The following GTF2E1 variants were observed in gnomAD, a reference collection of about 807,000 sequenced individuals.
GTF2E1 encodes the protein general transcription factor IIE subunit 1.
Under a neutral mutation model 34.9 loss-of-function variants are expected in GTF2E1, and 14 were observed. That is an observed-to-expected ratio of 0.40 (90% confidence interval 0.27 to 0.63). The LOEUF is 0.63. Among genes scored for constraint, GTF2E1 ranks in the 20% least tolerant of loss-of-function variants. The pLI is 0.39. For synonymous variants in GTF2E1, 188 were observed against 192.9 expected (o/e 0.97, Z 0.21); for missense variants, 469 against 557.7 (o/e 0.84, Z 1.60).
intron 3 of GTF2E1, among the ~76,000 whole-genome samples, chr3:120,775,765 A>T (rs1387533832): frequency 6.6e-6 from 1 of 152,234 alleles, no homozygotes; most frequent in East Asian, 1.9e-4. Flanking sequence ...TGCAGAGTAG[A>T]ATCAGTGGTT....
intron 2 of GTF2E1, among the ~76,000 whole-genome samples, chr3:120,760,351 A>C (rs1709249446): frequency 6.6e-6 from 1 of 152,220 alleles, no homozygotes; most frequent in Admixed American, 6.5e-5. Flanking sequence ...AGTTTTCTAA[A>C]TATACAATCA....
rs35806612 is a variant in GTF2E1 at position 120,744,927 on chromosome 3, C to CTT, written c.-31+2145_-31+2146dup. On this transcript the variant is annotated intron_variant, in intron 1 of 4. Coordinates refer to ENST00000283875, the MANE Select transcript of GTF2E1 (RefSeq NM_005513.3). ...TGTGTGAGCAGGGCACCATTAATCA[C>CTT]TTTTTTTTTTTTTGAGGGTCCTGTC... Among the ~76,000 whole-genome samples, 1,062 of 146,464 alleles carry CTT rather than the reference C, an allele frequency of 7.3e-3. 5 individuals are homozygous for CTT. The highest frequency in any genetic ancestry group is 0.012 in the Non-Finnish European group (790 of 66,196).
intron 2 of GTF2E1, among the ~76,000 whole-genome samples, chr3:120,759,222 C>G (rs1709236333): frequency 1.3e-5 from 2 of 152,168 alleles, no homozygotes; most frequent in Non-Finnish European, 2.9e-5. Context: ...CATATGTTGG[C>G]TGCATAAATG....
At chr3:120,780,022 G>T (rs972801397) in intron 4 of GTF2E1, among the ~76,000 whole-genome samples, 22 of 152,172 alleles carry the variant, frequency 1.4e-4, no homozygotes, top group Admixed American at 1.1e-3. Flanking sequence ...ATGATAGGAG[G>T]TGTGTGGTGA....
intron 4 of GTF2E1, among the ~76,000 whole-genome samples, chr3:120,778,749 T>C (rs1353742967): frequency 6.6e-6 from 1 of 152,204 alleles, no homozygotes; most frequent in Non-Finnish European, 1.5e-5. Context: ...TCTGGAAGCA[T>C]GTTAAGACCA....
intron 2 of GTF2E1, among the ~76,000 whole-genome samples, chr3:120,758,805 T>C (rs1431533407): frequency 3.3e-5 from 5 of 152,268 alleles, no homozygotes; most frequent in Admixed American, 3.3e-4. Context: ...CACATTTTCT[T>C]AATCCAGTCT....
chr3:120,759,817 T>G (rs1398902552), intron 2 of GTF2E1, among the ~76,000 whole-genome samples: 1 of 152,252 alleles, frequency 6.6e-6, no homozygotes, highest in Admixed American at 6.5e-5. Flanking sequence ...TTGGTAGCAG[T>G]AACGTGCTGT....
chr3:120,755,039 T>A (rs1347699575), intron 2 of GTF2E1, among the ~76,000 whole-genome samples: 1 of 152,146 alleles, frequency 6.6e-6, no homozygotes, highest in Non-Finnish European at 1.5e-5. Flanking sequence ...ATTTACCTTG[T>A]TTTGTTTGGC....
intron 4 of GTF2E1, among the ~76,000 whole-genome samples, chr3:120,777,975 C>T (rs892579816): frequency 5.3e-5 from 8 of 152,186 alleles, no homozygotes; most frequent in South Asian, 2.1e-4. Flanking sequence ...CTGCCTGCCT[C>T]GGCCTCCCAA....
chr3:120,756,373 A>G (rs571892355), intron 2 of GTF2E1, among the ~76,000 whole-genome samples: 11 of 151,350 alleles, frequency 7.3e-5, no homozygotes, highest in Non-Finnish European at 1.3e-4. Context: ...TGTTTTGCTC[A>G]GTTGCTGAGT....
chr3:120,765,146 C>T (rs1709297024), intron 2 of GTF2E1, among the ~76,000 whole-genome samples: 1 of 151,802 alleles, frequency 6.6e-6, no homozygotes, highest in South Asian at 2.1e-4. Context: ...CTGTCCCCCT[C>T]ATCCCCACAA....
At position 120,745,124 on chromosome 3, in the gene GTF2E1, A is replaced by G. The variant is rs550364266; in HGVS notation, c.-31+2330A>G. On this transcript the variant is annotated intron_variant, in intron 1 of 4. Transcript: ENST00000283875. ...ACTATGTTTCCTAGGCTTGTCTTCA[A>G]CTTCTGGGCTCTGACAGTCCCCCAA... 4.6e-5 allele frequency among the ~76,000 whole-genome samples: 7 copies of G among 152,278 alleles called. No homozygotes were observed. In the East Asian group the frequency reaches 1.4e-3, roughly 29 times the overall value.
chr3:120,774,722 A>G (rs1391858753), intron 3 of GTF2E1, among the ~76,000 whole-genome samples: 1 of 152,086 alleles, frequency 6.6e-6, no homozygotes, highest in Non-Finnish European at 1.5e-5. Flanking sequence ...AATAACTGGT[A>G]GAAAGTAGGA....
chr3:120,767,907 C>A (rs924344049), intron 2 of GTF2E1, among the ~76,000 whole-genome samples: 4 of 151,726 alleles, frequency 2.6e-5, no homozygotes, highest in Admixed American at 1.3e-4. Context: ...TGAGATTGTC[C>A]TTCTGTGAAA....
At chr3:120,754,890 G>A (rs1709195478) in intron 2 of GTF2E1, among the ~76,000 whole-genome samples, 1 of 151,960 alleles carries the variant, frequency 6.6e-6, no homozygotes, top group Admixed American at 6.6e-5. Flanking sequence ...TGTGTATGTG[G>A]GTGCACATGG....
chr3:120,762,103 T>C (rs1248363436), intron 2 of GTF2E1, among the ~76,000 whole-genome samples: 1 of 152,180 alleles, frequency 6.6e-6, no homozygotes, highest in Non-Finnish European at 1.5e-5. Flanking sequence ...CTCTATTCTT[T>C]TACATTTGTT....
chr3:120,779,433 G>A (rs552022381), intron 4 of GTF2E1, among the ~76,000 whole-genome samples: 4 of 152,298 alleles, frequency 2.6e-5, no homozygotes, highest in Admixed American at 2.6e-4. Flanking sequence ...AAGTAGTTAA[G>A]TTTGATTTTA....
chr3:120,761,532 T>C (rs909180340), intron 2 of GTF2E1, among the ~76,000 whole-genome samples: 1 of 152,210 alleles, frequency 6.6e-6, no homozygotes, highest in Non-Finnish European at 1.5e-5. Flanking sequence ...ATTTTAGATC[T>C]TTCCTGCTTT....
intron 1 of GTF2E1, among the ~76,000 whole-genome samples, chr3:120,743,405 A>G (rs1470486938): frequency 6.6e-6 from 1 of 152,224 alleles, no homozygotes; most frequent in Non-Finnish European, 1.5e-5. Flanking sequence ...CTTGGAAACA[A>G]GAGTGGAGGA....
Sources: gnomAD v4.1 joint callset for allele counts (sites outside exome capture counted in the v4.1 genomes callset) on GRCh38, gnomAD v4.1.1 for gene constraint, MANE v1.5 for transcripts, NCBI Gene and HGNC (gene_info 2026-07-23, HGNC 2026-07-21) for gene names.